PDE6A: variants seen among roughly 807,000 people sequenced by gnomAD.
The protein encoded by PDE6A is phosphodiesterase 6A.
In PDE6A, 84 loss-of-function variants were observed where a neutral mutation model predicts 106.3. The ratio of observed to expected loss-of-function variants is 0.79; its 90% CI spans 0.66 to 0.95. The LOEUF (loss-of-function observed/expected upper bound fraction) is 0.95. Among genes scored for constraint, PDE6A ranks in the 40% least tolerant of loss-of-function variants. The pLI is 0.00. For synonymous variants in PDE6A, 394 were observed against 386.6 expected (o/e 1.02, Z -0.23); for missense variants, 1,052 against 1,084.9 (o/e 0.97, Z 0.43).
At position 149,914,993 on chromosome 5, in the gene PDE6A, G is replaced by C. The variant is rs754048224; in HGVS notation, c.948C>G (p.Tyr316Ter). The C allele has an allele frequency of 6.6e-7, 1 of 1,504,050 alleles. No homozygotes were observed. The highest frequency in any genetic ancestry group is 2.4e-5 in the East Asian group (1 of 42,548). 93.2% of individuals were successfully genotyped at this position (1,504,050 alleles called of 1,614,324 possible). A position where few individuals can be genotyped will look rare whatever the true frequency, so the allele number is the denominator to read the frequency against. ...RTPDGREINFYKVIDYILHGK... is the reference protein window; with the variant it reads ...RTPDGREINF ...CATGCAGGATGTAGTCAATGACCTT[G>C]TAAAAGTTAATTTCCTGGCAAAAGA... The change falls in exon 6 of 22, where the codon TAC (tyrosine) becomes TAG (stop). Residue 316 changes from tyrosine (Y) to a stop codon, truncating the protein, a stop_gained. Coordinates refer to ENST00000255266, the MANE Select transcript of PDE6A (RefSeq NM_000440.3). LOFTEE classifies it high-confidence loss of function.
intron 17 of PDE6A, among the ~76,000 whole-genome samples, chr5:149,874,749 A>T (rs1289360053): frequency 6.6e-6 from 1 of 152,158 alleles, no homozygotes; most frequent in Non-Finnish European, 1.5e-5. Context: ...GAGTCATCCC[A>T]TCAGAACAAA....
chr5:149,886,504 T>C, intron 13 of PDE6A, 130 bp from the exon 14 acceptor site: 1 of 730,364 alleles, frequency 1.4e-6, no homozygotes, highest in Non-Finnish European at 2.4e-6. Context: ...GTATCCTGGC[T>C]CCAGAGGCTG....
intron 10 of PDE6A, among the ~76,000 whole-genome samples, chr5:149,897,668 C>A (rs537122365): frequency 2.6e-5 from 4 of 152,258 alleles, no homozygotes; most frequent in Non-Finnish European, 5.9e-5. Context: ...AGCCTTTGAC[C>A]TCCATGGGCT....
chr5:149,887,881 G>A (rs558708455), intron 13 of PDE6A, among the ~76,000 whole-genome samples: 3 of 152,192 alleles, frequency 2.0e-5, no homozygotes, highest in East Asian at 3.9e-4. Flanking sequence ...TGTAAGCAGC[G>A]GTGGGCTCTG....
intron 19 of PDE6A, chr5:149,867,441 C>T: frequency 1.9e-6 from 1 of 531,194 alleles, no homozygotes. Context: ...ACACATTTCC[C>T]AAAATTTAGG....
intron 17 of PDE6A, among the ~76,000 whole-genome samples, chr5:149,871,420 AGGTCTGGGAGGTCAGGGAG>A (rs1249681011): frequency 6.6e-6 from 1 of 152,152 alleles, no homozygotes; most frequent in Admixed American, 6.5e-5. Flanking sequence ...AAACTGACTG[AGGTCTGGGAGGTCAGGGAG>A]GGCTTCCCTG....
chr5:149,900,378 T>TATATATATATAC (rs1318115705), intron 8 of PDE6A, among the ~76,000 whole-genome samples: 1 of 103,998 alleles, frequency 9.6e-6, no homozygotes, highest in Non-Finnish European at 1.8e-5. Flanking sequence ...TATATATGTA[T>TATATATATATAC]ATATATATAT....
chr5:149,924,951 A>C (rs1222517074), intron 4 of PDE6A, among the ~76,000 whole-genome samples: 1 of 152,158 alleles, frequency 6.6e-6, no homozygotes, highest in Non-Finnish European at 1.5e-5. Flanking sequence ...CTAGGCTGGG[A>C]TCCTCACGCC....
chr5:149,890,493 T>C (rs1035001630), intron 13 of PDE6A, among the ~76,000 whole-genome samples: 7 of 152,330 alleles, frequency 4.6e-5, no homozygotes, highest in Admixed American at 4.6e-4. Context: ...TCAGAAACTG[T>C]ATAAAATTCA....
chr5:149,861,000 C>G (rs1171353743), intron 21 of PDE6A, 29 bp from the exon 22 acceptor site: 2 of 1,607,038 alleles, frequency 1.2e-6, no homozygotes, highest in Non-Finnish European at 1.7e-6. Flanking sequence ...AAGAACACAC[C>G]AGGTGACAAG....
intron 3 of PDE6A, among the ~76,000 whole-genome samples, chr5:149,931,497 C>T (rs184692840): frequency 6.6e-6 from 1 of 152,216 alleles, no homozygotes; most frequent in African/African-American, 2.4e-5. Context: ...TGAAAGAATG[C>T]ACTTATTGCA....
intron 4 of PDE6A, among the ~76,000 whole-genome samples, chr5:149,926,557 C>G (rs1753870187): frequency 6.6e-6 from 1 of 152,244 alleles, no homozygotes; most frequent in African/African-American, 2.4e-5. Context: ...GTAAATATCT[C>G]TACAATCTTA....
intron 17 of PDE6A, among the ~76,000 whole-genome samples, chr5:149,868,456 A>G (rs1450880657): frequency 6.6e-6 from 1 of 152,234 alleles, no homozygotes; most frequent in Non-Finnish European, 1.5e-5. Flanking sequence ...ATAAGATTAA[A>G]TGAGATTGTG....
chr5:149,900,135 C>A (rs889629988), intron 8 of PDE6A, among the ~76,000 whole-genome samples: 1 of 151,856 alleles, frequency 6.6e-6, no homozygotes, highest in Admixed American at 6.6e-5. Context: ...AGGCGGATCA[C>A]TTGATGTCAG....
chr5:149,865,006 G>A (rs750910253), intron 20 of PDE6A, among the ~76,000 whole-genome samples: 1 of 152,148 alleles, frequency 6.6e-6, no homozygotes, highest in African/African-American at 2.4e-5. Flanking sequence ...TTGGGAGGCC[G>A]AGGCGGGTGG....
At position 149,863,082 on chromosome 5, in the gene PDE6A, G is replaced by T; in HGVS notation, c.2506+37C>A. On this transcript the variant is annotated intron_variant, in intron 21 of 21. Transcript: ENST00000255266. The surrounding 1 kb of genome is among the most constrained non-coding windows in gnomAD (Gnocchi z 4.7). ...CGCAGACACTGAGTGCTCAGGGAGTGGGGTGGTGGGAGTCCCTGCTTCCCC... is the reference window on the plus strand; with the variant it reads ...CGCAGACACTGAGTGCTCAGGGAGTTGGGTGGTGGGAGTCCCTGCTTCCCC... 1.2e-6 allele frequency: 2 copies of T among 1,613,328 alleles called. No homozygotes were observed. Among genetic ancestry groups the T allele is most frequent in the African/African-American group, 2.7e-5 (2 of 75,034 alleles).
chr5:149,884,749 G>A (rs377438599), intron 15 of PDE6A, 31 bp downstream of exon 15: 31 of 1,586,872 alleles, frequency 2.0e-5, no homozygotes, highest in African/African-American at 1.6e-4. Context: ...TCCAGGCCCC[G>A]CGGCCTGTAG....
intron 4 of PDE6A, among the ~76,000 whole-genome samples, chr5:149,922,150 T>G (rs1001195948): frequency 6.6e-6 from 1 of 152,128 alleles, no homozygotes; most frequent in South Asian, 2.1e-4. Context: ...ATGGTACATC[T>G]ATTAACAATG....
chr5:149,893,510 G>T (rs1191751094), intron 13 of PDE6A, among the ~76,000 whole-genome samples: 1 of 152,164 alleles, frequency 6.6e-6, no homozygotes, highest in African/African-American at 2.4e-5. Context: ...GCCTACAAAA[G>T]GTATATCCTG....
Sources: allele counts gnomAD v4.1 joint callset (sites outside exome capture counted in the v4.1 genomes callset), GRCh38; gene constraint gnomAD v4.1.1; non-coding constraint Gnocchi (gnomAD v3.1); transcripts MANE v1.5; gene names NCBI Gene and HGNC (gene_info 2026-07-23, HGNC 2026-07-21).